The following SLC41A3 variants were observed in gnomAD, a reference collection of about 807,000 sequenced individuals.
SLC41A3 encodes solute carrier family 41 member 3.
Under a neutral mutation model 45.4 loss-of-function variants are expected in SLC41A3, and 44 were observed. The observed-to-expected ratio is 0.97, with a 90% CI of 0.76 to 1.25. The LOEUF is 1.25. Ranked by LOEUF, SLC41A3 falls within the 50% of genes most tolerant of loss-of-function variation. The pLI, the probability that SLC41A3 is intolerant of heterozygous loss-of-function variation, is 0.00. For missense variants in SLC41A3, 550 were observed against 600.6 expected, an observed-to-expected ratio of 0.92 and a Z score of 0.88; for synonymous variants, 256 against 252.4, an observed-to-expected ratio of 1.01 and a Z score of -0.13.
At chr3:126,021,146 G>A (rs948078423) in intron 6 of SLC41A3, among the ~76,000 whole-genome samples, 6 of 152,120 alleles carry the variant, frequency 3.9e-5, no homozygotes, top group Non-Finnish European at 7.4e-5. Context: ...CGCCCGCCTT[G>A]GCCTCCCAAA....
intron 1 of SLC41A3, among the ~76,000 whole-genome samples, chr3:126,097,366 G>A (rs1945624468): frequency 6.6e-6 from 1 of 152,144 alleles, no homozygotes; most frequent in Admixed American, 6.5e-5. Context: ...GCTGTTAACA[G>A]GTGTGGACTA....
upstream of SLC41A3, among the ~76,000 whole-genome samples, chr3:126,085,717 C>T (rs894211233): frequency 1.3e-5 from 2 of 152,060 alleles, no homozygotes; most frequent in African/African-American, 4.8e-5. Context: ...CTGTTGTTTT[C>T]ATAGGTAAAT....
Position 126,063,027 on chromosome 3 carries a change from AC to A in SLC41A3, c.273+4919del, listed in dbSNP as rs1944151706. Reference sequence around the variant, plus strand: ...CGGATCCAGGGAAATGCTCTCCTCCACCCTGCACTGTGCACCATCAGAGGAG... The same window carrying A: ...CGGATCCAGGGAAATGCTCTCCTCCACCTGCACTGTGCACCATCAGAGGAG... On this transcript the variant is annotated intron_variant, in intron 2 of 10. Coordinates refer to ENST00000360370, the MANE Select transcript of SLC41A3 (RefSeq NM_017836.4). 3.9e-5 allele frequency among the ~76,000 whole-genome samples: 6 copies of A among 152,100 alleles called. No homozygotes were observed. In the South Asian group the frequency reaches 1.0e-3, roughly 26 times the overall value.
At chr3:126,086,031 T>C (rs1945380287), upstream of SLC41A3, among the ~76,000 whole-genome samples, 1 of 152,086 alleles carries the variant, frequency 6.6e-6, no homozygotes, top group African/African-American at 2.4e-5. Flanking sequence ...GGTGGGGTCC[T>C]GCCCACAAGC....
intron 2 of SLC41A3, among the ~76,000 whole-genome samples, chr3:126,060,335 C>G (rs929091089): frequency 1.3e-5 from 2 of 152,166 alleles, no homozygotes; most frequent in African/African-American, 4.8e-5. Context: ...ACCAGAATCA[C>G]TTGAACCTGG....
chr3:126,101,143 A>G (rs945929759), intron 1 of SLC41A3, among the ~76,000 whole-genome samples: 3 of 152,174 alleles, frequency 2.0e-5, no homozygotes, highest in African/African-American at 7.2e-5. Context: ...GGCAATGCCC[A>G]TCGCCGTGTC....
At chr3:126,022,637 T>A (rs1411343527) in intron 6 of SLC41A3, 149 bp downstream of exon 6, 1 of 1,006,160 alleles carries the variant, frequency 9.9e-7, no homozygotes, top group African/African-American at 1.6e-5. Context: ...AGTTAGGGGT[T>A]AAGTTTCCAA....
intron 1 of SLC41A3, among the ~76,000 whole-genome samples, chr3:126,099,427 T>G (rs1945665789): frequency 6.6e-6 from 1 of 152,244 alleles, no homozygotes; most frequent in South Asian, 2.1e-4. Context: ...GAGGGTAGAA[T>G]GAGGCCAGGT....
intron 1 of SLC41A3, among the ~76,000 whole-genome samples, chr3:126,101,027 C>CG (rs1945697359): frequency 6.6e-6 from 1 of 152,246 alleles, no homozygotes; most frequent in African/African-American, 2.4e-5. Flanking sequence ...TGAGTCGCCC[C>CG]GGGGGAGATG....
chr3:126,056,567 C>T (rs371771556), intron 2 of SLC41A3: 5 of 1,610,780 alleles, frequency 3.1e-6, no homozygotes, highest in African/African-American at 1.3e-5. Context: ...AGGCAATGCA[C>T]CACGATCCCA....
chr3:126,039,709 G>T (rs963908760), intron 3 of SLC41A3, among the ~76,000 whole-genome samples: 1 of 152,174 alleles, frequency 6.6e-6, no homozygotes, highest in Non-Finnish European at 1.5e-5. Flanking sequence ...AAGATTTGAG[G>T]ACATACGTTA....
intron 3 of SLC41A3, among the ~76,000 whole-genome samples, chr3:126,040,044 C>A (rs1268108177): frequency 6.6e-6 from 1 of 152,118 alleles, no homozygotes; most frequent in Non-Finnish European, 1.5e-5. Context: ...AAGGTGTGTA[C>A]CTGGAGTATC....
intron 2 of SLC41A3, among the ~76,000 whole-genome samples, chr3:126,065,521 A>G (rs1944305049): frequency 6.6e-6 from 1 of 152,194 alleles, no homozygotes. Context: ...AACCTCTCAT[A>G]TATGCAATGA....
At chr3:126,018,220 T>G (rs1940502038) in intron 6 of SLC41A3, among the ~76,000 whole-genome samples, 1 of 152,188 alleles carries the variant, frequency 6.6e-6, no homozygotes, top group Admixed American at 6.5e-5. Context: ...ACAGTGATTT[T>G]GTGTCTAAAT....
chr3:126,049,214 C>T (rs1405535220), intron 3 of SLC41A3, among the ~76,000 whole-genome samples: 1 of 152,184 alleles, frequency 6.6e-6, no homozygotes, highest in Non-Finnish European at 1.5e-5. Context: ...GGGCTGGGCA[C>T]GGTGGCTCAT....
intron 1 of SLC41A3, among the ~76,000 whole-genome samples, chr3:126,090,950 C>T (rs1945478122): frequency 6.6e-6 from 1 of 152,180 alleles, no homozygotes; most frequent in South Asian, 2.1e-4. Context: ...CTCTGGGAGC[C>T]TCTGCATGGT....
At chr3:126,070,602 T>G (rs1427312097) in intron 1 of SLC41A3, among the ~76,000 whole-genome samples, 1 of 152,210 alleles carries the variant, frequency 6.6e-6, no homozygotes, top group Admixed American at 6.5e-5. Context: ...ATCAAAGTGC[T>G]CAAAGAACAA....
At chr3:126,033,746 A>AGACTGCCTTTCCCAGG in intron 3 of SLC41A3, 68 bp from the exon 4 acceptor site, 1 of 1,497,866 alleles carries the variant, frequency 6.7e-7, no homozygotes, top group Non-Finnish European at 9.2e-7. Context: ...CCTTCCTGGG[A>AGACTGCCTTTCCCAGG]AAGGCAGTCT....
chr3:126,069,419 G>A (rs1420205507), intron 1 of SLC41A3, among the ~76,000 whole-genome samples: 1 of 152,130 alleles, frequency 6.6e-6, no homozygotes, highest in African/African-American at 2.4e-5. Context: ...AGAGACTGCC[G>A]TGGCCACATA....
Sources: allele counts gnomAD v4.1 joint callset (sites outside exome capture counted in the v4.1 genomes callset), GRCh38; gene constraint gnomAD v4.1.1; transcripts MANE v1.5; gene names NCBI Gene and HGNC (gene_info 2026-07-23, HGNC 2026-07-21).